The following THSD7A variants were observed in gnomAD, a reference collection of about 807,000 sequenced individuals.
THSD7A encodes thrombospondin type-1 domain-containing protein 7A.
A neutral mutation model predicts 231.3 loss-of-function variants in THSD7A; 96 were observed. That is an observed-to-expected ratio of 0.41 (90% CI 0.35 to 0.49). THSD7A has a LOEUF of 0.49. Ranked by LOEUF, THSD7A falls within the 20% of genes least tolerant of loss-of-function variation. THSD7A has a pLI of 0.05. For missense variants in THSD7A, 2,290 were observed against 2,070.2 expected (o/e 1.11, Z -2.06); for synonymous variants, 940 against 743.3 (o/e 1.26, Z -4.30).
In THSD7A at chr7:11,446,830, A is replaced by G. The variant is rs1042463835; in HGVS notation, c.2800+400T>C. On this transcript the variant is annotated intron_variant, in intron 12 of 27. Coordinates refer to ENST00000423059, the MANE Select transcript of THSD7A (RefSeq NM_015204.3). This position sits in a 1 kb window ranked among gnomAD's most constrained non-coding sequence, Gnocchi z 4.0. ...ATGGTTTAAAATACAATTTTCAGAT[A>G]CAGAATTAATGCTATATTCCCCCTT... 8.5e-5 allele frequency among the ~76,000 whole-genome samples: 13 copies of G among 152,138 alleles called. No homozygotes were observed. The highest frequency in any genetic ancestry group is 7.4e-5 in the Non-Finnish European group (5 of 68,004).
At chr7:11,467,459 A>G (rs925670550) in intron 9 of THSD7A, among the ~76,000 whole-genome samples, 1 of 152,102 alleles carries the variant, frequency 6.6e-6, no homozygotes, top group Non-Finnish European at 1.5e-5. Context: ...TTAGTGTGCT[A>G]GTTATATACA....
chr7:11,607,028 A>C (rs2128347169), intron 2 of THSD7A, among the ~76,000 whole-genome samples: 1 of 151,796 alleles, frequency 6.6e-6, no homozygotes. Flanking sequence ...TATATATATA[A>C]AAGAAAAAGG....
intron 1 of THSD7A, among the ~76,000 whole-genome samples, chr7:11,815,696 A>G (rs996882642): frequency 2.0e-5 from 3 of 152,148 alleles, no homozygotes; most frequent in Non-Finnish European, 4.4e-5. Flanking sequence ...ATATATTCAC[A>G]TCTGACTTAA....
At chr7:11,509,325 G>A (rs1013651622) in intron 6 of THSD7A, among the ~76,000 whole-genome samples, 2 of 151,974 alleles carry the variant, frequency 1.3e-5, no homozygotes, top group Non-Finnish European at 2.9e-5. Context: ...CACAATAACT[G>A]ACTTATATAA....
Position 11,411,408 on chromosome 7 carries a change from T to A in THSD7A, c.3683-86A>T. Reference sequence around the variant, plus strand: ...ACTCTGATGACCTGAATCCCATATTTAATTCACAACTGCTTCCTAAGCCCC... The same window carrying A: ...ACTCTGATGACCTGAATCCCATATTAAATTCACAACTGCTTCCTAAGCCCC... On this transcript the variant is annotated intron_variant, in intron 18 of 27. Transcript: ENST00000423059. This position sits in a 1 kb window ranked among gnomAD's most constrained non-coding sequence, Gnocchi z 4.1. 2 of 878,742 alleles carry A rather than the reference T, an allele frequency of 2.3e-6. No individual in the cohort carries two copies. The highest frequency in any genetic ancestry group is 3.6e-6 in the Non-Finnish European group (2 of 556,478). The allele number at this position is 878,742 out of a possible 1,614,324, so 54.4% of individuals were successfully genotyped here.
intron 1 of THSD7A, among the ~76,000 whole-genome samples, chr7:11,737,489 A>G (rs1781956484): frequency 6.6e-6 from 1 of 152,010 alleles, no homozygotes; most frequent in Non-Finnish European, 1.5e-5. Context: ...AACTAAATTT[A>G]CTACACTCAC....
intron 1 of THSD7A, chr7:11,820,978 C>G: frequency 1.9e-6 from 2 of 1,035,368 alleles, no homozygotes; most frequent in Middle Eastern, 4.3e-4. Context: ...AGGCGGAGAT[C>G]AACAGGATCA....
At chr7:11,537,302 T>C (rs906791698) in intron 6 of THSD7A, among the ~76,000 whole-genome samples, 10 of 152,182 alleles carry the variant, frequency 6.6e-5, no homozygotes, top group African/African-American at 2.4e-4. Flanking sequence ...AAGTCAATGA[T>C]ATAGTTTGGA....
At chr7:11,612,351 A>G (rs1364786202) in intron 2 of THSD7A, among the ~76,000 whole-genome samples, 1 of 152,228 alleles carries the variant, frequency 6.6e-6, no homozygotes, top group Non-Finnish European at 1.5e-5. Flanking sequence ...TCTCATGGAA[A>G]GTCTCCTCAT....
At chr7:11,412,098 A>G (rs17553526) in intron 18 of THSD7A, among the ~76,000 whole-genome samples, 17,823 of 152,200 alleles carry the variant, frequency 0.12, 1,243 homozygotes, top group Non-Finnish European at 0.16. Flanking sequence ...TTCCTAGAGT[A>G]TGCACCTTGA....
chr7:11,539,724 A>G (rs561660715), intron 6 of THSD7A, among the ~76,000 whole-genome samples: 1 of 152,336 alleles, frequency 6.6e-6, no homozygotes, highest in East Asian at 1.9e-4. Context: ...AATATATTCC[A>G]TTAGCACAAA....
chr7:11,593,959 G>C (rs775217103), intron 2 of THSD7A, among the ~76,000 whole-genome samples: 1 of 152,172 alleles, frequency 6.6e-6, no homozygotes, highest in Non-Finnish European at 1.5e-5. Context: ...TTGGTCCTGG[G>C]CATGTCTGTG....
Position 11,789,471 on chromosome 7 carries a change from T to C in THSD7A, c.190+42286A>G, listed in dbSNP as rs1031818827. On this transcript the variant is annotated intron_variant, in intron 1 of 27. Transcript: ENST00000423059. ...TAGAGAAAATGACACTCGTCCTCTT[T>C]TATAAGCTGGCAACATGTCTTTTTT... Among the ~76,000 whole-genome samples, 8 of 152,170 alleles carry C rather than the reference T, an allele frequency of 5.3e-5. 1 individual carries two copies. The highest frequency in any genetic ancestry group is 4.6e-4 in the Admixed American group (7 of 15,238).
At chr7:11,710,990 T>A (rs75979236) in intron 1 of THSD7A, among the ~76,000 whole-genome samples, 15,152 of 150,940 alleles carry the variant, frequency 0.1, 945 homozygotes, top group South Asian at 0.15. Context: ...GGTGCATCTA[T>A]TAAATAATGT....
intron 1 of THSD7A, among the ~76,000 whole-genome samples, chr7:11,653,522 A>G (rs904819741): frequency 3.6e-5 from 5 of 140,388 alleles, no homozygotes; most frequent in African/African-American, 5.3e-5. Context: ...GAGTCTTGCT[A>G]TGTTGCCCAG....
rs768698747 is a variant in THSD7A, at chr7:11,590,494, G to T, written c.1419C>A (p.Leu473=). 2 of 1,612,916 alleles carry T rather than the reference G, an allele frequency of 1.2e-6. No individual in the cohort carries two copies. Among genetic ancestry groups the T allele is most frequent in the Non-Finnish European group, 1.7e-6 (2 of 1,179,560 alleles). ...TCTTGTGGGTACTTAATTGTGAGAG[G>T]AGGTTTTCGTTGGCCTGCACGCAGT... ...EVYCVQANEN[L]LSQLSTHKNK... Residue 473 remains leucine, a synonymous_variant, in exon 4 of 28, where the codon CTC becomes CTA. Transcript: ENST00000423059. The surrounding 1 kb of genome is among the most constrained non-coding windows in gnomAD (Gnocchi z 4.4).
chr7:11,447,457 T>A, intron 11 of THSD7A, 33 bp from the exon 12 acceptor site: 1 of 1,465,156 alleles, frequency 6.8e-7, no homozygotes, highest in South Asian at 1.4e-5. Flanking sequence ...TTATAACAAA[T>A]TCAAACGTCT....
chr7:11,774,331 G>A (rs1020502574), intron 1 of THSD7A, among the ~76,000 whole-genome samples: 1 of 152,150 alleles, frequency 6.6e-6, no homozygotes, highest in Non-Finnish European at 1.5e-5. Flanking sequence ...GCCAGGAGCT[G>A]GGGGAAGGAA....
intron 6 of THSD7A, among the ~76,000 whole-genome samples, chr7:11,520,482 C>G (rs535634217): frequency 6.6e-6 from 1 of 152,168 alleles, no homozygotes; most frequent in African/African-American, 2.4e-5. Context: ...ATCTCTTATG[C>G]ATATACTGTA....
Sources: allele counts gnomAD v4.1 joint callset (sites outside exome capture counted in the v4.1 genomes callset), GRCh38; gene constraint gnomAD v4.1.1; non-coding constraint Gnocchi (gnomAD v3.1); transcripts MANE v1.5; gene names NCBI Gene and HGNC (gene_info 2026-07-23, HGNC 2026-07-21).